Variants in ADAMTSL1 observed in about 807,000 individuals in gnomAD.
ADAMTSL1 encodes the protein ADAMTS-like protein 1.
ADAMTSL1 carries 126 observed loss-of-function variants against 201.8 expected under a neutral mutation model. That is an observed-to-expected ratio of 0.62 (90% CI 0.54 to 0.72). The LOEUF is 0.72. Among genes scored for constraint, ADAMTSL1 ranks in the 30% least tolerant of loss-of-function variants. ADAMTSL1 has a pLI of 0.00. For synonymous variants in ADAMTSL1, 1,121 were observed against 903.4 expected (o/e 1.24, Z -4.32); for missense variants, 2,679 against 2,277.8 (o/e 1.18, Z -3.59).
chr9:17,998,886 A>G (rs1433009402), intron 1 of ADAMTSL1, among the ~76,000 whole-genome samples: 5 of 152,074 alleles, frequency 3.3e-5, no homozygotes, highest in African/African-American at 4.8e-5. Flanking sequence ...CATATGTTCA[A>G]TACAAAGGCC....
chr9:18,057,975 G>A (rs984898484), intron 1 of ADAMTSL1, among the ~76,000 whole-genome samples: 7 of 152,178 alleles, frequency 4.6e-5, no homozygotes, highest in African/African-American at 1.7e-4. Context: ...GGTTATCATT[G>A]TCTGCCTGGC....
chr9:17,955,823 G>A (rs1212548322), intron 1 of ADAMTSL1, among the ~76,000 whole-genome samples: 1 of 152,134 alleles, frequency 6.6e-6, no homozygotes, highest in Admixed American at 6.6e-5. Context: ...AAAACGTAGC[G>A]TATATAGGGT....
intron 16 of ADAMTSL1, among the ~76,000 whole-genome samples, chr9:18,755,370 G>T (rs1819694048): frequency 6.6e-6 from 1 of 152,140 alleles, no homozygotes; most frequent in African/African-American, 2.4e-5. Flanking sequence ...GTTGCTATTA[G>T]GTACATAAGT....
chr9:18,561,553 C>G (rs1470075654), intron 3 of ADAMTSL1, among the ~76,000 whole-genome samples: 1 of 152,064 alleles, frequency 6.6e-6, no homozygotes, highest in South Asian at 2.1e-4. Flanking sequence ...TCCATTTGGT[C>G]CAGAGCTGAG....
chr9:18,486,051 T>A, intron 1 of ADAMTSL1, among the ~76,000 whole-genome samples: 1 of 152,184 alleles, frequency 6.6e-6, no homozygotes, highest in East Asian at 1.9e-4. Context: ...GAGGCTCTTA[T>A]AAAGTGCCAG....
At chr9:18,893,862 A>T (rs1829448133) in intron 26 of ADAMTSL1, among the ~76,000 whole-genome samples, 1 of 152,252 alleles carries the variant, frequency 6.6e-6, no homozygotes, top group Admixed American at 6.5e-5. Context: ...TGCTGATTTT[A>T]GTCCAAGTAA....
At chr9:18,056,562 C>T (rs1822194967) in intron 1 of ADAMTSL1, among the ~76,000 whole-genome samples, 1 of 151,876 alleles carries the variant, frequency 6.6e-6, no homozygotes, top group East Asian at 1.9e-4. Context: ...TATTTGTTGG[C>T]GAGGTATATT....
intron 1 of ADAMTSL1, among the ~76,000 whole-genome samples, chr9:17,970,229 G>A (rs1040370297): frequency 6.6e-6 from 1 of 151,954 alleles, no homozygotes; most frequent in African/African-American, 2.4e-5. Context: ...ACAAATGGGA[G>A]TATCTTAACC....
chr9:18,705,357 C>G (rs763979457), intron 13 of ADAMTSL1, among the ~76,000 whole-genome samples: 1 of 152,114 alleles, frequency 6.6e-6, no homozygotes, highest in African/African-American at 2.4e-5. Flanking sequence ...ATTACACTAA[C>G]TTTTTGAAAC....
chr9:18,099,339 ATATATATATATATATATTTTT>A lies in ADAMTSL1; in HGVS notation c.88-64521_88-64501del, dbSNP rs1443602893. Among the ~76,000 whole-genome samples the A allele has an allele frequency of 2.0e-4, 9 of 44,302 alleles. No individual in the cohort carries two copies. The South Asian group carries it at 5.2e-3, about 26-fold the overall frequency. The allele number at this position is 44,302 out of a possible 152,430, so 29.1% of individuals were successfully genotyped here. On this transcript the variant is annotated intron_variant, in intron 1 of 29. Transcript: ENST00000680146. ...CTGCAAATGGAAAATATATATATAT[ATATATATATATATATATTTTT>A]TTTTTTTTTTTTAACATCCATTAAT...
chr9:17,953,274 T>C lies in ADAMTSL1; in HGVS notation c.87+46352T>C, dbSNP rs550896081. 2.6e-5 allele frequency among the ~76,000 whole-genome samples: 4 copies of C among 152,320 alleles called. No individual in the cohort carries two copies. In the East Asian group the frequency reaches 5.8e-4, roughly 22 times the overall value. On this transcript the variant is annotated intron_variant, in intron 1 of 29. Coordinates refer to the ADAMTSL1 transcript ENST00000680146. ...TGCTTTATGCCTGGTGGATAGGCTATCCTATAACTACCCCACCAGAAATGC... is the reference window on the plus strand; with the variant it reads ...TGCTTTATGCCTGGTGGATAGGCTACCCTATAACTACCCCACCAGAAATGC...
intron 1 of ADAMTSL1, among the ~76,000 whole-genome samples, chr9:18,068,871 A>G (rs531890075): frequency 6.6e-6 from 1 of 152,318 alleles, no homozygotes; most frequent in East Asian, 1.9e-4. Context: ...GTATAGTGCT[A>G]TACAGCACTT....
At chr9:18,784,675 T>A (rs546928691) in intron 19 of ADAMTSL1, among the ~76,000 whole-genome samples, 2 of 152,276 alleles carry the variant, frequency 1.3e-5, no homozygotes, top group East Asian at 3.9e-4. Flanking sequence ...ACATCCCGTC[T>A]CCCACCACAT....
At chr9:18,863,229 C>G (rs1338340979) in intron 23 of ADAMTSL1, among the ~76,000 whole-genome samples, 1 of 152,210 alleles carries the variant, frequency 6.6e-6, no homozygotes, top group Non-Finnish European at 1.5e-5. Flanking sequence ...AGTAACCACA[C>G]AGTAACCCAA....
At chr9:18,320,492 C>G (rs1213658773) in intron 2 of ADAMTSL1, among the ~76,000 whole-genome samples, 2 of 152,144 alleles carry the variant, frequency 1.3e-5, no homozygotes, top group Admixed American at 1.3e-4. Flanking sequence ...GCCCGCAGAT[C>G]TACAGTGTAA....
intron 2 of ADAMTSL1, among the ~76,000 whole-genome samples, chr9:18,225,074 G>C (rs1264750874): frequency 6.6e-6 from 1 of 152,094 alleles, no homozygotes. Context: ...AAAATAACCA[G>C]ACAAGTAAAC....
At chr9:18,311,496 A>T (rs140489621) in intron 2 of ADAMTSL1, among the ~76,000 whole-genome samples, 20 of 152,284 alleles carry the variant, frequency 1.3e-4, no homozygotes, top group African/African-American at 4.8e-4. Flanking sequence ...AGTAGCTGGA[A>T]GTAGCAGAGT....
chr9:18,811,460 T>C (rs1291766837), intron 20 of ADAMTSL1, among the ~76,000 whole-genome samples: 2 of 152,188 alleles, frequency 1.3e-5, no homozygotes, highest in African/African-American at 2.4e-5. Context: ...TAGTGGGGAC[T>C]ATGTGGGGAT....
chr9:18,339,405 T>C (rs1586921109), intron 2 of ADAMTSL1, among the ~76,000 whole-genome samples: 1 of 152,118 alleles, frequency 6.6e-6, no homozygotes, highest in Admixed American at 6.5e-5. Flanking sequence ...CACAGTGAGA[T>C]ACCATCTCAC....
Sources: gnomAD v4.1 joint callset for allele counts (sites outside exome capture counted in the v4.1 genomes callset) on GRCh38, gnomAD v4.1.1 for gene constraint, MANE v1.5 for transcripts, NCBI Gene and HGNC (gene_info 2026-07-23, HGNC 2026-07-21) for gene names.